The following KIF6 variants were observed in gnomAD, a reference collection of about 807,000 sequenced individuals.
The protein encoded by KIF6 is kinesin-like protein KIF6.
Under a neutral mutation model 112.7 loss-of-function variants are expected in KIF6, and 106 were observed. That is an observed-to-expected ratio of 0.94 (90% confidence interval 0.80 to 1.11). The LOEUF (loss-of-function observed/expected upper bound fraction) is 1.11, where lower values mean the gene tolerates loss of function less well. KIF6 is among the 50% of genes least tolerant of loss of function. The pLI is 0.00. For missense variants in KIF6, 929 were observed against 964.0 expected, an observed-to-expected ratio of 0.96 and a Z score of 0.48; for synonymous variants, 339 against 339.9, an observed-to-expected ratio of 1.00 and a Z score of 0.03.
intron 11 of KIF6, among the ~76,000 whole-genome samples, chr6:39,545,039 T>C (rs1004473786): frequency 3.3e-5 from 5 of 152,242 alleles, no homozygotes; most frequent in Non-Finnish European, 7.3e-5. Flanking sequence ...TATCATGTAT[T>C]GTGATTATTC....
In KIF6 at chr6:39,653,528, T is replaced by C. The variant is rs183976787; in HGVS notation, c.252-13771A>G. On this transcript the variant is annotated intron_variant, in intron 3 of 22. Transcript: ENST00000287152. ...AGATTCAGAGGAGAGGAAAGAATAA[T>C]GCAGATACTTTCCTCAATTTCCTTT... is the stretch of plus-strand genomic sequence containing the variant. 2.6e-5 allele frequency among the ~76,000 whole-genome samples: 4 copies of C among 152,330 alleles called. No homozygotes were observed. The East Asian group carries it at 7.7e-4, about 29-fold the overall frequency.
chr6:39,591,984 C>T (rs543542676), intron 7 of KIF6, among the ~76,000 whole-genome samples: 40 of 152,164 alleles, frequency 2.6e-4, no homozygotes, highest in African/African-American at 6.5e-4. Context: ...TGGTGGCTGG[C>T]GCCTGTAGTC....
chr6:39,484,820 G>C (rs1775022409), intron 13 of KIF6, among the ~76,000 whole-genome samples: 1 of 152,154 alleles, frequency 6.6e-6, no homozygotes, highest in African/African-American at 2.4e-5. Context: ...GGGCCAGGCT[G>C]TGGTGCAGTG....
chr6:39,633,157 C>A (rs1044721279), intron 5 of KIF6, among the ~76,000 whole-genome samples: 8 of 151,840 alleles, frequency 5.3e-5, no homozygotes, highest in Non-Finnish European at 1.2e-4. Context: ...TCCTTAATAA[C>A]TTTTAAAAAT....
intron 10 of KIF6, among the ~76,000 whole-genome samples, chr6:39,547,611 T>G (rs1288074104): frequency 2.6e-5 from 4 of 152,194 alleles, no homozygotes; most frequent in Admixed American, 6.5e-5. Flanking sequence ...CTGTTAACAG[T>G]TAAAATATAT....
chr6:39,437,668 C>T (rs1272537087), intron 13 of KIF6, among the ~76,000 whole-genome samples: 2 of 152,160 alleles, frequency 1.3e-5, no homozygotes, highest in Admixed American at 6.5e-5. Context: ...TACTGGCCCA[C>T]CATTAGAGAT....
chr6:39,603,115 T>A lies in KIF6; in HGVS notation c.640-6855A>T, dbSNP rs544222507. 5.3e-5 allele frequency among the ~76,000 whole-genome samples: 8 copies of A among 152,304 alleles called. No homozygotes were observed. In the South Asian group the frequency reaches 1.7e-3, roughly 32 times the overall value. ...TCTAGTGCGTAGTGAAGTAGTGGTGTGATCCACTGGGCTACAAGTGAGTGT... is the reference window on the plus strand; with the variant it reads ...TCTAGTGCGTAGTGAAGTAGTGGTGAGATCCACTGGGCTACAAGTGAGTGT... On this transcript the variant is annotated intron_variant, in intron 6 of 22. Coordinates refer to ENST00000287152, the MANE Select transcript of KIF6 (RefSeq NM_145027.6).
At chr6:39,666,526 A>G (rs1051017574) in intron 3 of KIF6, among the ~76,000 whole-genome samples, 5 of 152,222 alleles carry the variant, frequency 3.3e-5, no homozygotes, top group Non-Finnish European at 7.3e-5. Context: ...TGTGGTAAAT[A>G]TATACGTAAG....
At chr6:39,660,546 A>G (rs970885803) in intron 3 of KIF6, among the ~76,000 whole-genome samples, 1 of 152,198 alleles carries the variant, frequency 6.6e-6, no homozygotes, top group African/African-American at 2.4e-5. Flanking sequence ...TTGTCAATGA[A>G]GCTTTCCTTC....
At chr6:39,575,556 C>T (rs1780917525) in intron 10 of KIF6, among the ~76,000 whole-genome samples, 1 of 152,152 alleles carries the variant, frequency 6.6e-6, no homozygotes. Flanking sequence ...AGGCGTGAGC[C>T]ACCACGCCCG....
intron 3 of KIF6, among the ~76,000 whole-genome samples, chr6:39,678,220 C>A (rs968092906): frequency 6.6e-6 from 1 of 151,752 alleles, no homozygotes; most frequent in Non-Finnish European, 1.5e-5. Flanking sequence ...TAAACTAGTT[C>A]AACCATTGTG....
At chr6:39,624,767 T>G (rs1229922205) in intron 5 of KIF6, among the ~76,000 whole-genome samples, 1 of 152,196 alleles carries the variant, frequency 6.6e-6, no homozygotes, top group Non-Finnish European at 1.5e-5. Flanking sequence ...CACAGATATA[T>G]TTCTATATTC....
intron 22 of KIF6, among the ~76,000 whole-genome samples, chr6:39,341,789 G>A (rs1581620038): frequency 6.6e-6 from 1 of 152,110 alleles, no homozygotes; most frequent in Admixed American, 6.5e-5. Context: ...CCCAGGAGGT[G>A]CCCTGACTCT....
In KIF6 at chr6:39,336,486, C is replaced by G. The variant is rs748532146; in HGVS notation, c.*46G>C. 2.5e-6 allele frequency: 4 copies of G among 1,601,000 alleles called. No individual in the cohort carries two copies. The African/African-American group carries it at 5.4e-5, about 21-fold the overall frequency. On this transcript the variant is annotated 3_prime_UTR_variant, in exon 23 of 23. Coordinates refer to ENST00000287152, the MANE Select transcript of KIF6 (RefSeq NM_145027.6). ...GTGAGGGGCGCTGCCTTCATCTGTG[C>G]TTCATTCTTGCTGGCATAATTCATG... is the stretch of plus-strand genomic sequence containing the variant.
rs35838361 is a variant in KIF6 at position 39,697,541 on chromosome 6, C to CT, written c.251+17150dup. Among the ~76,000 whole-genome samples the CT allele has an allele frequency of 2.1e-4, 27 of 131,470 alleles. No individual in the cohort carries two copies. In the South Asian group the frequency reaches 2.5e-3, roughly 12 times the overall value. The allele number at this position is 131,470 out of a possible 152,430, so 86.2% of individuals were successfully genotyped here. A position where few individuals can be genotyped will look rare whatever the true frequency, so the allele number is the denominator to read the frequency against. On this transcript the variant is annotated intron_variant, in intron 3 of 22. Coordinates refer to ENST00000287152, the MANE Select transcript of KIF6 (RefSeq NM_145027.6). ...GACTAACCATTTTTCTTTATCCTTTCTTTTTTTTTTTTTTCTTTTGAGACA... is the reference window on the plus strand; with the variant it reads ...GACTAACCATTTTTCTTTATCCTTTCTTTTTTTTTTTTTTTCTTTTGAGACA...
At position 39,431,072 on chromosome 6, in the gene KIF6, T is replaced by G. The variant is rs1211109912; in HGVS notation, c.1735A>C (p.Lys579Gln). 1.2e-6 allele frequency: 2 copies of G among 1,612,406 alleles called. No individual in the cohort carries two copies. The highest frequency in any genetic ancestry group is 4.5e-5 in the East Asian group (2 of 44,872). ...CCTTACCTCTGTTTCAGAATCTGTTTGTTGTCATCGATGGTAACGCTGTCA... is the reference window on the plus strand; with the variant it reads ...CCTTACCTCTGTTTCAGAATCTGTTGGTTGTCATCGATGGTAACGCTGTCA... Reference protein sequence around the residue: ...HADSVTIDDNKQILKQRFSEA... With the variant: ...HADSVTIDDNQQILKQRFSEA... Residue 579 changes from lysine to glutamine, a missense_variant, in exon 14 of 23, where the codon AAA becomes CAA. Transcript: ENST00000287152.
chr6:39,708,687 T>G (rs975194267), intron 3 of KIF6, among the ~76,000 whole-genome samples: 1 of 152,228 alleles, frequency 6.6e-6, no homozygotes, highest in East Asian at 1.9e-4. Flanking sequence ...TTGGCTCTAT[T>G]AGAAAACTGG....
At chr6:39,541,078 G>A (rs552216408) in intron 12 of KIF6, among the ~76,000 whole-genome samples, 6 of 152,276 alleles carry the variant, frequency 3.9e-5, no homozygotes, top group Admixed American at 2.0e-4. Flanking sequence ...CCTTTGCATC[G>A]CTAGAGAAGG....
At chr6:39,507,243 A>T (rs1479524243) in intron 13 of KIF6, among the ~76,000 whole-genome samples, 1 of 152,158 alleles carries the variant, frequency 6.6e-6, no homozygotes, top group Non-Finnish European at 1.5e-5. Context: ...ACAGTGTCAG[A>T]ATTGAATTAA....
Sources: gnomAD v4.1 joint callset for allele counts (sites outside exome capture counted in the v4.1 genomes callset) on GRCh38, gnomAD v4.1.1 for gene constraint, MANE v1.5 for transcripts, NCBI Gene and HGNC (gene_info 2026-07-23, HGNC 2026-07-21) for gene names.